Variants in PPP3CC observed in about 807,000 individuals in gnomAD.
PPP3CC encodes the protein serine/threonine-protein phosphatase 2B catalytic subunit gamma isoform.
PPP3CC carries 35 observed loss-of-function variants against 60.3 expected under a neutral mutation model. The observed-to-expected ratio is 0.58, with a 90% CI of 0.44 to 0.77. The LOEUF (loss-of-function observed/expected upper bound fraction) is 0.77. Ranked by LOEUF, PPP3CC falls within the 30% of genes least tolerant of loss-of-function variation. The pLI is 0.00. For synonymous variants in PPP3CC, 206 were observed against 224.3 expected (o/e 0.92, Z 0.73); for missense variants, 570 against 628.9 (o/e 0.91, Z 1.00).
Position 22,474,943 on chromosome 8 carries a change from T to TTA in PPP3CC, c.50-10_50-9insAT, listed in dbSNP as rs754208437. Reference sequence around the variant, plus strand: ...TAAATATTTTAAATTATTATTATTATTTTTTTGTAGCTGTCCCCTTTCCTC... The same window carrying TTA: ...TAAATATTTTAAATTATTATTATTATTATTTTTTGTAGCTGTCCCCTTTCCTC... On this transcript the variant is annotated splice_polypyrimidine_tract_variant and intron_variant, in intron 1 of 13. Coordinates refer to ENST00000240139, the MANE Select transcript of PPP3CC (RefSeq NM_005605.5). The TTA allele has an allele frequency of 1.4e-6, 2 of 1,457,960 alleles. No homozygotes were observed. Among genetic ancestry groups the TTA allele is most frequent in the South Asian group, 3.0e-5 (2 of 66,198 alleles). 90.3% of individuals were successfully genotyped at this position (1,457,960 alleles called of 1,614,324 possible).
At chr8:22,513,883 G>A (rs1248713175) in intron 6 of PPP3CC, among the ~76,000 whole-genome samples, 2 of 152,188 alleles carry the variant, frequency 1.3e-5, no homozygotes, top group African/African-American at 4.8e-5. Flanking sequence ...ACTAAGCCCA[G>A]TACATTTCCT....
chr8:22,533,927 G>A (rs1839784613), intron 12 of PPP3CC, among the ~76,000 whole-genome samples: 1 of 140,484 alleles, frequency 7.1e-6, no homozygotes, highest in Non-Finnish European at 1.6e-5. Context: ...GGCCGGGAGC[G>A]GTGGCTCACG....
chr8:22,518,956 G>C (rs374778476), intron 6 of PPP3CC, among the ~76,000 whole-genome samples: 1 of 152,056 alleles, frequency 6.6e-6, no homozygotes, highest in African/African-American at 2.4e-5. Flanking sequence ...CAAAGTGCTG[G>C]GATTACAGGT....
chr8:22,477,090 G>A (rs1837911638), intron 3 of PPP3CC, among the ~76,000 whole-genome samples: 2 of 152,276 alleles, frequency 1.3e-5, no homozygotes, highest in East Asian at 1.9e-4. Flanking sequence ...TAGGTACTGG[G>A]AATAGGTGGA....
intron 1 of PPP3CC, among the ~76,000 whole-genome samples, chr8:22,466,672 G>GT (rs1309802134): frequency 3.3e-5 from 5 of 152,126 alleles, no homozygotes; most frequent in African/African-American, 1.2e-4. Flanking sequence ...TGATGGGGTT[G>GT]TTTTTTTCTT....
intron 1 of PPP3CC, among the ~76,000 whole-genome samples, chr8:22,465,988 G>T (rs372653722): frequency 2.6e-5 from 4 of 151,656 alleles, no homozygotes; most frequent in African/African-American, 9.7e-5. Flanking sequence ...CCCTCCCCCA[G>T]CCCCCCATCC....
chr8:22,522,627 G>A (rs748660461), intron 7 of PPP3CC, 28 bp from the exon 8 acceptor site: 3 of 1,588,136 alleles, frequency 1.9e-6, no homozygotes, highest in Non-Finnish European at 2.6e-6. Context: ...TTAATATGCA[G>A]ACAGATGGAC....
intron 1 of PPP3CC, among the ~76,000 whole-genome samples, chr8:22,444,195 A>G (rs1287682181): frequency 6.6e-6 from 1 of 151,382 alleles, no homozygotes; most frequent in Non-Finnish European, 1.5e-5. Flanking sequence ...GGCAGAGGCT[A>G]TAGTGAGCCA....
At chr8:22,502,067 G>A (rs1376770806) in intron 4 of PPP3CC, among the ~76,000 whole-genome samples, 1 of 152,040 alleles carries the variant, frequency 6.6e-6, no homozygotes, top group Non-Finnish European at 1.5e-5. Context: ...CACCTGATTA[G>A]ATCAGGCCCT....
chr8:22,445,617 C>T (rs1274825208), intron 1 of PPP3CC, among the ~76,000 whole-genome samples: 1 of 151,876 alleles, frequency 6.6e-6, no homozygotes, highest in Non-Finnish European at 1.5e-5. Context: ...TAAATATTTC[C>T]ATAATGGTTT....
intron 13 of PPP3CC, 112 bp from the exon 14 acceptor site, chr8:22,540,503 C>T (rs926720421): frequency 1.9e-6 from 2 of 1,067,982 alleles, no homozygotes; most frequent in Non-Finnish European, 2.7e-6. Context: ...GCTCCATAGC[C>T]ACCTTTCTGT....
At chr8:22,452,924 CCT>C (rs1370656675) in intron 1 of PPP3CC, among the ~76,000 whole-genome samples, 10 of 152,198 alleles carry the variant, frequency 6.6e-5, no homozygotes, top group Admixed American at 6.5e-4. Context: ...ACAATAAACT[CCT>C]CTCTTTAAGG....
chr8:22,479,695 G>T (rs966627345), intron 3 of PPP3CC, among the ~76,000 whole-genome samples: 3 of 144,314 alleles, frequency 2.1e-5, no homozygotes, highest in Non-Finnish European at 3.0e-5. Flanking sequence ...AGTGAGCCCA[G>T]ATCGCCCCAC....
At chr8:22,491,148 C>T (rs1403141513) in intron 3 of PPP3CC, among the ~76,000 whole-genome samples, 1 of 152,084 alleles carries the variant, frequency 6.6e-6, no homozygotes, top group African/African-American at 2.4e-5. Flanking sequence ...GATGAACACC[C>T]TCATATAAAT....
chr8:22,526,508 G>A (rs1204031906), intron 8 of PPP3CC, among the ~76,000 whole-genome samples: 2 of 152,212 alleles, frequency 1.3e-5, no homozygotes, highest in Non-Finnish European at 2.9e-5. Context: ...AATATATGGT[G>A]TACATTTTAG....
intron 6 of PPP3CC, among the ~76,000 whole-genome samples, chr8:22,514,217 C>T (rs1246376995): frequency 7.6e-6 from 1 of 131,812 alleles, no homozygotes; most frequent in Non-Finnish European, 1.5e-5. Flanking sequence ...CACTACACAC[C>T]AACCTGTGCA....
chr8:22,475,431 C>T, intron 2 of PPP3CC, 69 bp from the exon 3 acceptor site: 1 of 1,473,462 alleles, frequency 6.8e-7, no homozygotes, highest in East Asian at 2.3e-5. Context: ...AACTGTGATC[C>T]CTTTTGGTGT....
chr8:22,469,896 T>G (rs895413701), intron 1 of PPP3CC, among the ~76,000 whole-genome samples: 6 of 151,896 alleles, frequency 4.0e-5, no homozygotes, highest in African/African-American at 1.5e-4. Context: ...GGGTAATTTG[T>G]TACATGGCAG....
intron 3 of PPP3CC, among the ~76,000 whole-genome samples, chr8:22,489,523 C>G (rs545927577): frequency 2.0e-5 from 3 of 148,014 alleles, no homozygotes; most frequent in African/African-American, 7.4e-5. Flanking sequence ...TGGAGATGCA[C>G]AAGCAAAGTC....
Sources: gnomAD v4.1 joint callset for allele counts (sites outside exome capture counted in the v4.1 genomes callset) on GRCh38, gnomAD v4.1.1 for gene constraint, MANE v1.5 for transcripts, NCBI Gene and HGNC (gene_info 2026-07-23, HGNC 2026-07-21) for gene names.